ARSB: variants seen among roughly 807,000 people sequenced by gnomAD.
The protein encoded by ARSB is N-acetylgalactosamine-4-sulfatase.
A neutral mutation model predicts 50.9 loss-of-function variants in ARSB; 41 were observed. The ratio of observed to expected loss-of-function variants is 0.81; its 90% CI spans 0.63 to 1.04. The LOEUF is 1.04. Ranked by LOEUF, ARSB falls within the 50% of genes least tolerant of loss-of-function variation. The pLI, the probability that ARSB is intolerant of heterozygous loss-of-function variation, is 0.00. For synonymous variants in ARSB, 269 were observed against 284.8 expected (o/e 0.94, Z 0.56); for missense variants, 672 against 693.3 (o/e 0.97, Z 0.35).
At chr5:78,955,806 T>A (rs1751698371) in intron 3 of ARSB, among the ~76,000 whole-genome samples, 1 of 152,236 alleles carries the variant, frequency 6.6e-6, no homozygotes, top group Non-Finnish European at 1.5e-5. Flanking sequence ...CAGTCATTAT[T>A]AAGATGCAAA....
intron 4 of ARSB, among the ~76,000 whole-genome samples, chr5:78,937,309 T>C (rs1313872655): frequency 3.7e-5 from 4 of 108,476 alleles, no homozygotes; most frequent in Non-Finnish European, 3.7e-5. Context: ...GATATATATA[T>C]CATATATATG....
chr5:78,906,148 C>T (rs570711940), intron 4 of ARSB, among the ~76,000 whole-genome samples: 3 of 148,500 alleles, frequency 2.0e-5, no homozygotes, highest in Non-Finnish European at 3.0e-5. Flanking sequence ...GTGATCCAAT[C>T]GCTAACCAAA....
At chr5:78,834,486 A>G (rs1744844306) in intron 6 of ARSB, among the ~76,000 whole-genome samples, 1 of 151,700 alleles carries the variant, frequency 6.6e-6, no homozygotes. Context: ...AAGTGGAGTC[A>G]TATAGTTTTT....
At chr5:78,863,441 G>A (rs1746549730) in intron 5 of ARSB, among the ~76,000 whole-genome samples, 1 of 152,106 alleles carries the variant, frequency 6.6e-6, no homozygotes, top group South Asian at 2.1e-4. Context: ...AAAAGGACGA[G>A]TTCATGTCCT....
chr5:78,855,956 C>T (rs572260259), intron 5 of ARSB, among the ~76,000 whole-genome samples: 60 of 152,254 alleles, frequency 3.9e-4, no homozygotes, highest in East Asian at 2.5e-3. Flanking sequence ...CACCACTGTG[C>T]TCCTCCTCAG....
At chr5:78,919,028 G>A (rs1227910594) in intron 4 of ARSB, among the ~76,000 whole-genome samples, 1 of 152,198 alleles carries the variant, frequency 6.6e-6, no homozygotes, top group African/African-American at 2.4e-5. Flanking sequence ...CCATAAGTGT[G>A]AGATTTCCTA....
chr5:78,907,033 A>G (rs1009551936), intron 4 of ARSB, among the ~76,000 whole-genome samples: 1 of 152,222 alleles, frequency 6.6e-6, no homozygotes, highest in Non-Finnish European at 1.5e-5. Context: ...GAGGGAGGCA[A>G]CATCCACAGA....
intron 4 of ARSB, among the ~76,000 whole-genome samples, chr5:78,933,213 C>T (rs337887): frequency 0.59 from 89,650 of 151,994 alleles, 26,789 homozygotes; most frequent in East Asian, 0.71. Context: ...AATGCAAGTT[C>T]CCAAGGTGTC....
intron 1 of ARSB, among the ~76,000 whole-genome samples, chr5:78,983,254 G>T (rs561739754): frequency 6.6e-6 from 1 of 152,038 alleles, no homozygotes; most frequent in African/African-American, 2.4e-5. Context: ...GGGTTTCGCC[G>T]TGTTGGTCAG....
intron 6 of ARSB, among the ~76,000 whole-genome samples, chr5:78,825,242 A>T (rs1283985986): frequency 1.3e-5 from 2 of 152,212 alleles, no homozygotes; most frequent in African/African-American, 2.4e-5. Flanking sequence ...GAAAATGTAA[A>T]ATATGAAAAA....
chr5:78,967,593 A>T (rs1752259097), intron 2 of ARSB, among the ~76,000 whole-genome samples: 1 of 151,858 alleles, frequency 6.6e-6, no homozygotes, highest in Non-Finnish European at 1.5e-5. Context: ...GAACTGCTTG[A>T]ACCCGGGAGG....
At chr5:78,845,657 C>A (rs1745413819) in intron 5 of ARSB, among the ~76,000 whole-genome samples, 1 of 152,010 alleles carries the variant, frequency 6.6e-6, no homozygotes, top group African/African-American at 2.4e-5. Context: ...AAAAATAAAT[C>A]TACTAGCCAT....
chr5:78,950,450 T>C (rs1361436098), intron 4 of ARSB, among the ~76,000 whole-genome samples: 2 of 152,244 alleles, frequency 1.3e-5, no homozygotes, highest in East Asian at 1.9e-4. Flanking sequence ...AGGAGAATTA[T>C]TACCTCCTCT....
chr5:78,934,782 C>T (rs1356689330), intron 4 of ARSB, among the ~76,000 whole-genome samples: 1 of 151,216 alleles, frequency 6.6e-6, no homozygotes, highest in Non-Finnish European at 1.5e-5. Flanking sequence ...GGTGACAGAG[C>T]GAGATTCTGT....
intron 3 of ARSB, among the ~76,000 whole-genome samples, chr5:78,961,038 G>A (rs1751962589): frequency 6.6e-6 from 1 of 152,180 alleles, no homozygotes; most frequent in African/African-American, 2.4e-5. Context: ...CTGTGTTTCA[G>A]TTATGAACTG....
At chr5:78,834,245 A>G (rs527325500) in intron 6 of ARSB, among the ~76,000 whole-genome samples, 7 of 152,066 alleles carry the variant, frequency 4.6e-5, no homozygotes, top group African/African-American at 1.7e-4. Context: ...TTTATTTTTT[A>G]TATTTTTAAA....
At chr5:78,850,283 T>C (rs926808156) in intron 5 of ARSB, among the ~76,000 whole-genome samples, 1 of 152,280 alleles carries the variant, frequency 6.6e-6, no homozygotes, top group Admixed American at 6.5e-5. Context: ...TGTTGAGTTT[T>C]GTCAAAGGCC....
intron 4 of ARSB, among the ~76,000 whole-genome samples, chr5:78,886,705 T>G (rs1294607529): frequency 6.6e-6 from 1 of 152,080 alleles, no homozygotes; most frequent in Non-Finnish European, 1.5e-5. Flanking sequence ...ACTCCCAAAG[T>G]ATCCACAGAT....
chr5:78,954,354 TGA>T (rs1361077270), intron 4 of ARSB, among the ~76,000 whole-genome samples: 8 of 152,142 alleles, frequency 5.3e-5, no homozygotes, highest in Admixed American at 1.3e-4. Flanking sequence ...CCGTCTCTAA[TGA>T]GAGGGGGAAG....
Sources: gnomAD v4.1 joint callset for allele counts (sites outside exome capture counted in the v4.1 genomes callset) on GRCh38, gnomAD v4.1.1 for gene constraint, MANE v1.5 for transcripts, NCBI Gene and HGNC (gene_info 2026-07-23, HGNC 2026-07-21) for gene names.